Variants in RGS10 observed in about 807,000 individuals in gnomAD.
RGS10 encodes the protein regulator of G-protein signalling 10.
Under a neutral mutation model 23.5 loss-of-function variants are expected in RGS10, and 11 were observed. The observed-to-expected ratio is 0.47, with a 90% CI of 0.29 to 0.77. The LOEUF is 0.77. RGS10 is among the 30% of genes least tolerant of loss of function. The pLI is 0.08. For missense variants in RGS10, 180 were observed against 226.3 expected, an observed-to-expected ratio of 0.80 and a Z score of 1.31; for synonymous variants, 77 against 83.2, an observed-to-expected ratio of 0.92 and a Z score of 0.41.
At chr10:119,522,295 T>A (rs1844226961) in intron 3 of RGS10, among the ~76,000 whole-genome samples, 1 of 151,914 alleles carries the variant, frequency 6.6e-6, no homozygotes, top group African/African-American at 2.4e-5. Flanking sequence ...GAGGCGAGAG[T>A]GGGATTTGTA....
chr10:119,539,959 C>CAA (rs5788358), intron 1 of RGS10, among the ~76,000 whole-genome samples: 394 of 143,498 alleles, frequency 2.7e-3, no homozygotes, highest in African/African-American at 9.1e-3. Flanking sequence ...TTCAAAATTA[C>CAA]AAAAAAAAAA....
At position 119,524,360 on chromosome 10, in the gene RGS10, C is replaced by T. The variant is rs1351525418; in HGVS notation, c.255+1672G>A. Among the ~76,000 whole-genome samples, 7 of 152,154 alleles carry T rather than the reference C, an allele frequency of 4.6e-5. No homozygotes were observed. The highest frequency in any genetic ancestry group is 2.1e-4 in the South Asian group (1 of 4,828). ...GCTAGTTCAAGTCCTAGCTCTGCCACGGTGCGGGGACCTCACTTCCTTGTC... is the reference window on the plus strand; with the variant it reads ...GCTAGTTCAAGTCCTAGCTCTGCCATGGTGCGGGGACCTCACTTCCTTGTC... On this transcript the variant is annotated intron_variant, in intron 3 of 4. Transcript: ENST00000369103. The surrounding 1 kb of genome is among the most constrained non-coding windows in gnomAD (Gnocchi z 5.2).
rs200384930 is a variant in RGS10 at position 119,533,172 on chromosome 10, G to A, written c.50-5748C>T. ...GTTCAAAACCTGCCTGGCCAACATG[G>A]AATACAAAAATTAGCCGGGCATGGT... On this transcript the variant is annotated intron_variant, in intron 1 of 4. Coordinates refer to ENST00000369103, the MANE Select transcript of RGS10 (RefSeq NM_001005339.2). Among the ~76,000 whole-genome samples the A allele has an allele frequency of 3.3e-5, 5 of 151,868 alleles. No homozygotes were observed. In the East Asian group the frequency reaches 9.7e-4, roughly 30 times the overall value.
Position 119,532,734 on chromosome 10 carries a change from G to A in RGS10, c.50-5310C>T, listed in dbSNP as rs181987075. 5.5e-4 allele frequency among the ~76,000 whole-genome samples: 84 copies of A among 152,000 alleles called. 1 individual carries two copies. Among genetic ancestry groups the A allele is most frequent in the African/African-American group, 1.8e-3 (73 of 41,446 alleles). ...TGCGCACCTGTAATCCCAGCTACTCGGGAGGCTGAGGCAGGAGAATTACTT... is the reference window on the plus strand; with the variant it reads ...TGCGCACCTGTAATCCCAGCTACTCAGGAGGCTGAGGCAGGAGAATTACTT... On this transcript the variant is annotated intron_variant, in intron 1 of 4. Coordinates refer to ENST00000369103, the MANE Select transcript of RGS10 (RefSeq NM_001005339.2).
intron 3 of RGS10, chr10:119,516,522 G>C (rs1404346810): frequency 6.6e-6 from 1 of 151,724 alleles, no homozygotes; most frequent in Non-Finnish European, 1.5e-5. Context: ...ACTTCCGCAA[G>C]ACACATTGGC....
intron 2 of RGS10, among the ~76,000 whole-genome samples, chr10:119,526,372 T>C (rs1483955497): frequency 6.6e-6 from 1 of 152,244 alleles, no homozygotes; most frequent in Non-Finnish European, 1.5e-5. Context: ...CTCATATTTC[T>C]AAGCTGACAA....
At position 119,542,571 on chromosome 10, in the gene RGS10, G is replaced by A; in HGVS notation, c.49+19C>T. 7.1e-7 allele frequency: 1 copy of A among 1,399,092 alleles called. No individual in the cohort carries two copies. Among genetic ancestry groups the A allele is most frequent in the South Asian group, 1.5e-5 (1 of 66,836 alleles). 86.7% of individuals were successfully genotyped at this position (1,399,092 alleles called of 1,614,324 possible). A position where few individuals can be genotyped will look rare whatever the true frequency, so the allele number is the denominator to read the frequency against. On this transcript the variant is annotated intron_variant, in intron 1 of 4. Transcript: ENST00000369103. The stretch of plus-strand genomic sequence containing the variant: ...ACGGCGCCCCGACCCCGAGCCCGCG[G>A]GCCCCCGAAGCCGCTTACCTGACGG...
chr10:119,534,304 T>TAAATAAATAAATAAATA (rs1554858928), intron 1 of RGS10, among the ~76,000 whole-genome samples: 1 of 117,182 alleles, frequency 8.5e-6, no homozygotes, highest in Admixed American at 9.0e-5. Context: ...AATAAATAAA[T>TAAATAAATAAATAAATA]AAAAAAGGCC....
At chr10:119,532,983 T>A (rs537131414) in intron 1 of RGS10, among the ~76,000 whole-genome samples, 6 of 144,826 alleles carry the variant, frequency 4.1e-5, no homozygotes, top group African/African-American at 1.3e-4. Flanking sequence ...GAAACTACAG[T>A]GAGCCGATAT....
At chr10:119,508,120 C>A (rs900128762) in intron 4 of RGS10, among the ~76,000 whole-genome samples, 3 of 152,102 alleles carry the variant, frequency 2.0e-5, no homozygotes, top group African/African-American at 7.2e-5. Flanking sequence ...GCCTCAGCCT[C>A]CTGAGTAGCT....
At chr10:119,533,132 C>T (rs1844348484) in intron 1 of RGS10, among the ~76,000 whole-genome samples, 1 of 151,302 alleles carries the variant, frequency 6.6e-6, no homozygotes, top group Non-Finnish European at 1.5e-5. Context: ...CTGAGGCAGC[C>T]AGATCACGAG....
chr10:119,519,626 T>C (rs1844189893), intron 3 of RGS10, among the ~76,000 whole-genome samples: 2 of 98,750 alleles, frequency 2.0e-5, no homozygotes, highest in African/African-American at 9.0e-5. Context: ...CCTGTATCTG[T>C]CTCCCAGCTC....
At chr10:119,522,386 G>C (rs1378914109) in intron 3 of RGS10, among the ~76,000 whole-genome samples, 1 of 152,166 alleles carries the variant, frequency 6.6e-6, no homozygotes, top group African/African-American at 2.4e-5. Context: ...TGATAAGTTT[G>C]ACTGTGAAAT....
At chr10:119,523,453 T>C (rs779679962) in intron 3 of RGS10, among the ~76,000 whole-genome samples, 1 of 152,102 alleles carries the variant, frequency 6.6e-6, no homozygotes, top group Non-Finnish European at 1.5e-5. Flanking sequence ...TCACTTGAGG[T>C]CAGAAGTTCT....
At chr10:119,518,407 A>G (rs11198987) in intron 3 of RGS10, among the ~76,000 whole-genome samples, 21,284 of 152,212 alleles carry the variant, frequency 0.14, 2,303 homozygotes, top group African/African-American at 0.3. Flanking sequence ...CACAAGGCTG[A>G]GGCCCTTCTT....
At chr10:119,514,193 T>C (rs1844113464) in intron 4 of RGS10, among the ~76,000 whole-genome samples, 1 of 151,838 alleles carries the variant, frequency 6.6e-6, no homozygotes, top group African/African-American at 2.4e-5. Context: ...CCGTCTCTAC[T>C]AAAAATACAA....
chr10:119,523,168 C>T (rs1844238973), intron 3 of RGS10, among the ~76,000 whole-genome samples: 1 of 152,122 alleles, frequency 6.6e-6, no homozygotes. Flanking sequence ...CGAGCTGCCG[C>T]TTAACCACTC....
intron 1 of RGS10, among the ~76,000 whole-genome samples, chr10:119,539,976 T>A (rs1481115158): frequency 6.7e-6 from 1 of 150,122 alleles, no homozygotes; most frequent in African/African-American, 2.5e-5. Flanking sequence ...AAAAAAAAAA[T>A]TAAGTACAGG....
intron 3 of RGS10, among the ~76,000 whole-genome samples, chr10:119,518,258 C>T (rs1246441958): frequency 6.6e-6 from 1 of 152,176 alleles, no homozygotes; most frequent in Non-Finnish European, 1.5e-5. Flanking sequence ...CCAGAGAGCC[C>T]CTTTCTCCCT....
Sources: gnomAD v4.1 joint callset for allele counts (sites outside exome capture counted in the v4.1 genomes callset) on GRCh38, gnomAD v4.1.1 for gene constraint, Gnocchi (gnomAD v3.1) non-coding constraint, MANE v1.5 for transcripts, NCBI Gene and HGNC (gene_info 2026-07-23, HGNC 2026-07-21) for gene names.